The following GPC6 variants were observed in gnomAD, a reference collection of about 807,000 sequenced individuals.
GPC6 encodes glypican-6.
In GPC6, 14 loss-of-function variants were observed where a neutral mutation model predicts 55.2. That is an observed-to-expected ratio of 0.25 (90% confidence interval 0.17 to 0.40). The LOEUF (loss-of-function observed/expected upper bound fraction) is 0.40. GPC6 is among the 10% of genes least tolerant of loss of function. The pLI is 1.00. For synonymous variants in GPC6, 278 were observed against 259.6 expected (o/e 1.07, Z -0.68); for missense variants, 641 against 708.5 (o/e 0.90, Z 1.08).
intron 4 of GPC6, among the ~76,000 whole-genome samples, chr13:94,275,821 A>C (rs1566624050): frequency 6.6e-6 from 1 of 152,166 alleles, no homozygotes; most frequent in Admixed American, 6.5e-5. Flanking sequence ...TAAACATATT[A>C]AAAGATGTCC....
At chr13:93,303,078 C>A (rs1878736308) in intron 1 of GPC6, among the ~76,000 whole-genome samples, 1 of 152,194 alleles carries the variant, frequency 6.6e-6, no homozygotes, top group Admixed American at 6.5e-5. Context: ...ACTGTATAAC[C>A]ATAGACTGTT....
At chr13:93,692,333 G>T (rs766735890) in intron 2 of GPC6, among the ~76,000 whole-genome samples, 1 of 151,982 alleles carries the variant, frequency 6.6e-6, no homozygotes, top group Non-Finnish European at 1.5e-5. Flanking sequence ...ACTATTTTAA[G>T]AAGTCAGCAT....
chr13:93,535,684 GAAA>G (rs200687324), intron 1 of GPC6, among the ~76,000 whole-genome samples: 1 of 120,752 alleles, frequency 8.3e-6, no homozygotes. Flanking sequence ...ACTTTTTTAG[GAAA>G]AAAAAAAAAA....
At chr13:93,860,911 T>C (rs1354292812) in intron 3 of GPC6, among the ~76,000 whole-genome samples, 3 of 151,610 alleles carry the variant, frequency 2.0e-5, no homozygotes, top group African/African-American at 4.8e-5. Context: ...GTCATTTTTA[T>C]CATTAAAAGG....
intron 2 of GPC6, among the ~76,000 whole-genome samples, chr13:93,780,671 G>A (rs1051420093): frequency 2.0e-5 from 3 of 150,658 alleles, no homozygotes; most frequent in Admixed American, 6.6e-5. Flanking sequence ...CTTATCTAAG[G>A]TTACTCCTAT....
chr13:93,753,704 T>C (rs538137843), intron 2 of GPC6, among the ~76,000 whole-genome samples: 8 of 152,234 alleles, frequency 5.3e-5, no homozygotes, highest in Admixed American at 1.3e-4. Context: ...TTGTGCCCAT[T>C]AACCTTCCCC....
intron 2 of GPC6, among the ~76,000 whole-genome samples, chr13:93,638,608 T>C (rs1426260506): frequency 2.0e-5 from 3 of 152,134 alleles, no homozygotes; most frequent in Admixed American, 6.6e-5. Context: ...TCTAATGAGA[T>C]CCTTTTATTG....
At chr13:93,861,615 A>C (rs1158376256) in intron 3 of GPC6, among the ~76,000 whole-genome samples, 1 of 151,540 alleles carries the variant, frequency 6.6e-6, no homozygotes, top group Non-Finnish European at 1.5e-5. Flanking sequence ...TTACCCTTGA[A>C]AGGTTTTGCT....
chr13:94,238,891 G>A (rs1237698933), intron 4 of GPC6, among the ~76,000 whole-genome samples: 2 of 152,226 alleles, frequency 1.3e-5, no homozygotes, highest in East Asian at 3.9e-4. Flanking sequence ...TTGCTGAGAA[G>A]CTGGGAGGGG....
At chr13:93,445,588 C>A (rs931069776) in intron 1 of GPC6, among the ~76,000 whole-genome samples, 1 of 152,188 alleles carries the variant, frequency 6.6e-6, no homozygotes, top group Non-Finnish European at 1.5e-5. Flanking sequence ...ATCTGCAGAG[C>A]AAATTATTGC....
At chr13:94,347,546 T>A (rs1178316797) in intron 6 of GPC6, among the ~76,000 whole-genome samples, 5 of 152,184 alleles carry the variant, frequency 3.3e-5, no homozygotes, top group African/African-American at 7.2e-5. Flanking sequence ...TTCTTTGAGA[T>A]GAAAATGAAT....
intron 4 of GPC6, among the ~76,000 whole-genome samples, chr13:94,107,577 CTTTTT>C (rs35080088): frequency 1.4e-5 from 2 of 142,850 alleles, no homozygotes; most frequent in African/African-American, 2.6e-5. Flanking sequence ...ATTTCTTTCT[CTTTTT>C]TTTTTTTTTT....
chr13:93,648,188 A>G (rs1487935066), intron 2 of GPC6, among the ~76,000 whole-genome samples: 1 of 152,064 alleles, frequency 6.6e-6, no homozygotes, highest in African/African-American at 2.4e-5. Flanking sequence ...CCCTCTCTTG[A>G]GACTATGATG....
intron 4 of GPC6, among the ~76,000 whole-genome samples, chr13:94,188,191 CT>C (rs1889265864): frequency 6.6e-6 from 1 of 152,122 alleles, no homozygotes; most frequent in Admixed American, 6.5e-5. Context: ...AGTGTGTGCA[CT>C]AAGGTGCAGC....
intron 1 of GPC6, among the ~76,000 whole-genome samples, chr13:93,448,162 T>G (rs922359974): frequency 6.6e-6 from 1 of 152,184 alleles, no homozygotes; most frequent in Admixed American, 6.5e-5. Context: ...AGACATGTGC[T>G]TCATAATGAT....
In GPC6 at chr13:93,565,885, G is replaced by A. The variant is rs1286026682; in HGVS notation, c.319+20464G>A. Among the ~76,000 whole-genome samples the A allele has an allele frequency of 2.7e-5, 4 of 148,546 alleles. No homozygotes were observed. The East Asian group carries it at 7.9e-4, about 29-fold the overall frequency. ...TGCAGTGAGCTGAGATCGCACCACT[G>A]CATTCCAGCCTGGGTGACAGGGTGA... On this transcript the variant is annotated intron_variant, in intron 2 of 8. Transcript: ENST00000377047.
At chr13:94,365,696 G>A (rs1879255910) in intron 6 of GPC6, among the ~76,000 whole-genome samples, 1 of 152,166 alleles carries the variant, frequency 6.6e-6, no homozygotes, top group Admixed American at 6.5e-5. Context: ...TTTCCAATGT[G>A]TGTACATCCT....
intron 6 of GPC6, among the ~76,000 whole-genome samples, chr13:94,355,437 C>T (rs990969678): frequency 6.6e-6 from 1 of 152,158 alleles, no homozygotes; most frequent in Non-Finnish European, 1.5e-5. Context: ...CATGCATGCA[C>T]TATTGCTTTC....
At chr13:93,637,376 GA>G (rs1879742838) in intron 2 of GPC6, among the ~76,000 whole-genome samples, 1 of 152,136 alleles carries the variant, frequency 6.6e-6, no homozygotes, top group Non-Finnish European at 1.5e-5. Flanking sequence ...TGACTGCAAG[GA>G]AAGTGATTAG....
Sources: allele counts gnomAD v4.1 joint callset (sites outside exome capture counted in the v4.1 genomes callset), GRCh38; gene constraint gnomAD v4.1.1; transcripts MANE v1.5; gene names NCBI Gene and HGNC (gene_info 2026-07-23, HGNC 2026-07-21).